PRKCH: variants seen among roughly 807,000 people sequenced by gnomAD.
PRKCH encodes the protein protein kinase C eta type.
Under a neutral mutation model 82.5 loss-of-function variants are expected in PRKCH, and 28 were observed. The observed-to-expected ratio is 0.34, with a 90% CI of 0.25 to 0.47. The LOEUF is 0.47. PRKCH is among the 20% of genes least tolerant of loss of function. PRKCH has a pLI of 1.00. For synonymous variants in PRKCH, 322 were observed against 327.4 expected (o/e 0.98, Z 0.18); for missense variants, 705 against 881.8 (o/e 0.80, Z 2.54).
intron 1 of PRKCH, among the ~76,000 whole-genome samples, chr14:61,334,307 T>C (rs1359203933): frequency 6.6e-6 from 1 of 151,256 alleles, no homozygotes; most frequent in Non-Finnish European, 1.5e-5. Context: ...CACAGGGAGG[T>C]GGATAACAAG....
At chr14:61,352,075 C>CAA (rs1243764888) in intron 1 of PRKCH, among the ~76,000 whole-genome samples, 2 of 152,042 alleles carry the variant, frequency 1.3e-5, no homozygotes, top group Non-Finnish European at 2.9e-5. Flanking sequence ...CAACTTGAAC[C>CAA]CCTGGGTTCT....
intron 1 of PRKCH, among the ~76,000 whole-genome samples, chr14:61,256,383 T>G (rs574470007): frequency 6.6e-6 from 1 of 152,302 alleles, no homozygotes; most frequent in African/African-American, 2.4e-5. Context: ...CCGGAGTTGG[T>G]TTCTGAGCAT....
intron 2 of PRKCH, among the ~76,000 whole-genome samples, chr14:61,430,111 A>T (rs1883311925): frequency 6.6e-6 from 1 of 152,244 alleles, no homozygotes; most frequent in Admixed American, 6.5e-5. Flanking sequence ...AAATAAAGTC[A>T]TGATTCAATG....
intron 1 of PRKCH, among the ~76,000 whole-genome samples, chr14:61,340,917 C>T (rs2045923367): frequency 1.3e-5 from 2 of 152,236 alleles, no homozygotes; most frequent in African/African-American, 4.8e-5. Flanking sequence ...CAAGTCATGC[C>T]AGATTGGCTT....
At chr14:61,346,297 A>G (rs953570001) in intron 1 of PRKCH, among the ~76,000 whole-genome samples, 12 of 152,184 alleles carry the variant, frequency 7.9e-5, no homozygotes, top group African/African-American at 2.9e-4. Flanking sequence ...TGCTGGCTAC[A>G]CTATCCATTT....
At chr14:61,256,768 G>T (rs1194615772) in intron 1 of PRKCH, among the ~76,000 whole-genome samples, 3 of 152,122 alleles carry the variant, frequency 2.0e-5, no homozygotes, top group African/African-American at 7.2e-5. Context: ...TGGTCCACTT[G>T]ATCATGAAAG....
At chr14:61,263,106 G>A (rs929046793) in intron 1 of PRKCH, among the ~76,000 whole-genome samples, 6 of 152,016 alleles carry the variant, frequency 3.9e-5, no homozygotes, top group Admixed American at 2.0e-4. Flanking sequence ...CGAGCCTGCC[G>A]CTCCATCACA....
intron 12 of PRKCH, among the ~76,000 whole-genome samples, chr14:61,533,418 A>G (rs2043067249): frequency 4.0e-5 from 6 of 151,796 alleles, no homozygotes; most frequent in Admixed American, 3.9e-4. Flanking sequence ...TAGTCTTTGC[A>G]GGGGACTGAG....
chr14:61,498,532 T>G (rs1447730408), intron 10 of PRKCH, among the ~76,000 whole-genome samples: 1 of 152,176 alleles, frequency 6.6e-6, no homozygotes, highest in Non-Finnish European at 1.5e-5. Flanking sequence ...TACCACAGAC[T>G]GGATTCCTTG....
intron 12 of PRKCH, among the ~76,000 whole-genome samples, chr14:61,540,562 A>G (rs1300979480): frequency 6.6e-6 from 1 of 152,244 alleles, no homozygotes; most frequent in Non-Finnish European, 1.5e-5. Flanking sequence ...TAATAACCAC[A>G]GTTGCTTTAA....
At chr14:61,427,067 A>G (rs996712359) in intron 2 of PRKCH, among the ~76,000 whole-genome samples, 3 of 152,126 alleles carry the variant, frequency 2.0e-5, no homozygotes, top group Non-Finnish European at 4.4e-5. Flanking sequence ...GCTTGATTTT[A>G]TACATTTCAG....
chr14:61,368,083 C>T (rs1025515412), intron 1 of PRKCH, among the ~76,000 whole-genome samples: 7 of 151,938 alleles, frequency 4.6e-5, no homozygotes, highest in African/African-American at 1.7e-4. Flanking sequence ...TGTCTGAGAG[C>T]CTCATGAAAT....
At chr14:61,458,542 G>A (rs758706906) in intron 9 of PRKCH, among the ~76,000 whole-genome samples, 16 of 152,166 alleles carry the variant, frequency 1.1e-4, no homozygotes, top group Non-Finnish European at 1.8e-4. Context: ...CTCAGGGAGG[G>A]AAGATCTTTC....
intron 1 of PRKCH, among the ~76,000 whole-genome samples, chr14:61,367,716 CTTTT>C (rs34427789): frequency 9.5e-5 from 13 of 137,368 alleles, no homozygotes; most frequent in Admixed American, 2.9e-4. Flanking sequence ...TGGAGAACTC[CTTTT>C]TTTTTTTTTT....
intron 1 of PRKCH, among the ~76,000 whole-genome samples, chr14:61,373,527 C>T (rs776747680): frequency 5.9e-5 from 9 of 151,928 alleles, no homozygotes; most frequent in South Asian, 2.1e-4. Context: ...CATATCATTC[C>T]GCCCCTGGCC....
Position 61,235,551 on chromosome 14 carries a change from C to T in PRKCH, c.-19+47883C>T, listed in dbSNP as rs566098665. On this transcript the variant is annotated intron_variant, in intron 1 of 3. Coordinates refer to the PRKCH transcript ENST00000555185. ...TGCCCAATTAATAGTGATTGAAGGGCAGATTTTCCCTTCTGTTTTACAGTA... is the reference window on the plus strand; with the variant it reads ...TGCCCAATTAATAGTGATTGAAGGGTAGATTTTCCCTTCTGTTTTACAGTA... Among the ~76,000 whole-genome samples the T allele has an allele frequency of 2.0e-5, 3 of 152,300 alleles. No individual in the cohort carries two copies. The East Asian group carries it at 5.8e-4, about 29-fold the overall frequency.
At chr14:61,284,175 C>T (rs1202799219) in intron 1 of PRKCH, among the ~76,000 whole-genome samples, 1 of 152,214 alleles carries the variant, frequency 6.6e-6, no homozygotes, top group Non-Finnish European at 1.5e-5. Context: ...TAAAAATGCC[C>T]TCTGCAGAAT....
intron 9 of PRKCH, among the ~76,000 whole-genome samples, chr14:61,472,738 G>C (rs1055436426): frequency 6.6e-6 from 1 of 152,114 alleles, no homozygotes; most frequent in African/African-American, 2.4e-5. Context: ...AAAACAAAAA[G>C]TAGAACCTTA....
chr14:61,244,576 C>G (rs551240945), intron 1 of PRKCH, among the ~76,000 whole-genome samples: 1 of 152,332 alleles, frequency 6.6e-6, no homozygotes, highest in African/African-American at 2.4e-5. Flanking sequence ...CCTAAATCAA[C>G]TGGGCATGTC....
Sources: allele counts gnomAD v4.1 joint callset (sites outside exome capture counted in the v4.1 genomes callset), GRCh38; gene constraint gnomAD v4.1.1; transcripts MANE v1.5; gene names NCBI Gene and HGNC (gene_info 2026-07-23, HGNC 2026-07-21).